Variants in AFF2 observed in about 807,000 individuals in gnomAD.
The protein encoded by AFF2 is ALF transcription elongation factor 2.
AFF2 carries 14 observed loss-of-function variants against 76.9 expected under a neutral mutation model. That is an observed-to-expected ratio of 0.18 (90% CI 0.12 to 0.28). The LOEUF is 0.28. AFF2 is among the 10% of genes least tolerant of loss of function. AFF2 has a pLI of 1.00. For synonymous variants in AFF2, 398 were observed against 366.7 expected (o/e 1.09, Z -0.98); for missense variants, 868 against 1,001.1 (o/e 0.87, Z 1.79).
chrX:148,979,912 C>T (rs1459023056), intron 18 of AFF2, among the ~76,000 whole-genome samples: 1 of 112,114 alleles, frequency 8.9e-6, no homozygotes, highest in Non-Finnish European at 1.9e-5. Context: ...AGCAAAGAGG[C>T]AGAAGATGAG....
chrX:148,826,377 C>A lies in AFF2; in HGVS notation c.1087-11270C>A, dbSNP rs185234405. 1.2e-4 allele frequency among the ~76,000 whole-genome samples: 13 copies of A among 108,380 alleles called. No homozygotes were observed. In the Admixed American group the frequency reaches 1.3e-3, roughly 11 times the overall value. 94.1% of individuals were successfully genotyped at this position (108,380 alleles called of 115,157 possible). On this transcript the variant is annotated intron_variant, in intron 4 of 20. Transcript: ENST00000370460. ...TAATAGTCTTCTTGTGTGATTGTTA[C>A]CTTTTAATTAAAAAAAAAAAGACTT...
chrX:148,612,444 G>A (rs2053744049), intron 1 of AFF2, among the ~76,000 whole-genome samples: 1 of 112,226 alleles, frequency 8.9e-6, no homozygotes, highest in African/African-American at 3.2e-5. Flanking sequence ...TTCTAATAGG[G>A]TATTTTCCAC....
At chrX:148,526,330 G>A (rs146660611) in intron 1 of AFF2, among the ~76,000 whole-genome samples, 91 of 104,755 alleles carry the variant, frequency 8.7e-4, no homozygotes, top group African/African-American at 3.0e-3. Context: ...TTCCACAGTG[G>A]TAATATCTTG....
rs782743247 is a variant in AFF2, at chrX:148,659,974, G to A, written c.181-1934G>A. On this transcript the variant is annotated intron_variant, in intron 2 of 20. Transcript: ENST00000370460. ...TATTCAGCTGAGGATTATACAGAATGTTAATTGTTTAATCACTACTTCAGT... is the reference window on the plus strand; with the variant it reads ...TATTCAGCTGAGGATTATACAGAATATTAATTGTTTAATCACTACTTCAGT... 3.6e-5 allele frequency among the ~76,000 whole-genome samples: 4 copies of A among 112,186 alleles called. 1 individual carries two copies. In the Middle Eastern group the frequency reaches 0.014, roughly 388 times the overall value.
intron 3 of AFF2, among the ~76,000 whole-genome samples, chrX:148,790,533 T>C (rs1333953368): frequency 1.8e-5 from 2 of 111,412 alleles, no homozygotes; most frequent in African/African-American, 6.5e-5. Context: ...ATAATGTCCT[T>C]TGCAGGGACA....
intron 3 of AFF2, among the ~76,000 whole-genome samples, chrX:148,670,377 G>A (rs1430237740): frequency 8.9e-6 from 1 of 111,849 alleles, no homozygotes; most frequent in Non-Finnish European, 1.9e-5. Context: ...GGTGGTATTA[G>A]AGTAGTTCAA....
intron 3 of AFF2, among the ~76,000 whole-genome samples, chrX:148,763,862 C>T (rs1382576504): frequency 1.8e-5 from 2 of 111,874 alleles, no homozygotes; most frequent in African/African-American, 6.5e-5. Context: ...CAAGGTGTCA[C>T]CCAATAAATG....
intron 1 of AFF2, among the ~76,000 whole-genome samples, chrX:148,540,776 G>A (rs2124266082): frequency 9.0e-6 from 1 of 111,715 alleles, no homozygotes; most frequent in East Asian, 2.8e-4. Flanking sequence ...TGTGCATGAG[G>A]AGAATGTGCA....
At chrX:148,652,196 T>A in intron 2 of AFF2, 65 bp downstream of exon 2, 1 of 867,492 alleles carries the variant, frequency 1.2e-6, no homozygotes, top group Non-Finnish European at 1.6e-6. Context: ...AATCAACATT[T>A]AATTTATGTT....
intron 1 of AFF2, among the ~76,000 whole-genome samples, chrX:148,506,057 A>G (rs1284643979): frequency 9.1e-6 from 1 of 110,287 alleles, no homozygotes; most frequent in African/African-American, 3.3e-5. Flanking sequence ...ACAAGCTTGG[A>G]CTAAATTCTG....
intron 1 of AFF2, among the ~76,000 whole-genome samples, chrX:148,603,372 G>T (rs891704929): frequency 4.4e-4 from 49 of 110,729 alleles, no homozygotes; most frequent in African/African-American, 1.6e-3. Context: ...CTTCTATGTT[G>T]AAAACTTTTA....
At chrX:148,831,653 T>A (rs2070455640) in intron 4 of AFF2, among the ~76,000 whole-genome samples, 1 of 111,974 alleles carries the variant, frequency 8.9e-6, no homozygotes, top group Non-Finnish European at 1.9e-5. Context: ...TCCTACAGGC[T>A]GGTTAGCAAT....
chrX:148,846,014 G>A (rs1219478587), intron 7 of AFF2, among the ~76,000 whole-genome samples: 1 of 112,038 alleles, frequency 8.9e-6, no homozygotes, highest in Non-Finnish European at 1.9e-5. Flanking sequence ...ATACACATGG[G>A]CACCAGGTCT....
At chrX:148,541,748 C>T (rs1428543283) in intron 1 of AFF2, among the ~76,000 whole-genome samples, 1 of 110,411 alleles carries the variant, frequency 9.1e-6, no homozygotes, top group Non-Finnish European at 1.9e-5. Context: ...TTAAACAAAC[C>T]ACATTACAGC....
chrX:148,534,536 G>A (rs2052762261), intron 1 of AFF2, among the ~76,000 whole-genome samples: 2 of 112,437 alleles, frequency 1.8e-5, no homozygotes, highest in African/African-American at 6.5e-5. Flanking sequence ...ATGCAACCAT[G>A]GACATGTCAC....
intron 3 of AFF2, among the ~76,000 whole-genome samples, chrX:148,676,838 T>C (rs145871380): frequency 2.2e-3 from 250 of 111,178 alleles, no homozygotes; most frequent in African/African-American, 8.0e-3. Context: ...GAAAGATTGG[T>C]TGGGAAGACT....
intron 3 of AFF2, among the ~76,000 whole-genome samples, chrX:148,670,772 C>T (rs112167785): frequency 8.9e-6 from 1 of 111,880 alleles, no homozygotes; most frequent in African/African-American, 3.3e-5. Flanking sequence ...TTGTAACCAT[C>T]CATTCTTTTT....
At chrX:148,607,351 G>A (rs1324270617) in intron 1 of AFF2, among the ~76,000 whole-genome samples, 1 of 111,118 alleles carries the variant, frequency 9.0e-6, no homozygotes, top group Non-Finnish European at 1.9e-5. Flanking sequence ...GGACCCGGTT[G>A]GAGGTAATTT....
rs1357477454 is a variant in AFF2, at chrX:148,999,684, TC to T, written c.*8353del. ...CCTTCATGGGATTTTAGCTTTCCCT[TC>T]TTGAAAAACATTATTTTACAGTTCC... On this transcript the variant is annotated 3_prime_UTR_variant, in exon 21 of 21. Coordinates refer to ENST00000370460, the MANE Select transcript of AFF2 (RefSeq NM_002025.4). The T allele has an allele frequency of 8.9e-6, 1 of 112,063 alleles. No individual in the cohort carries two copies. Among genetic ancestry groups the T allele is most frequent in the African/African-American group, 3.3e-5 (1 of 30,567 alleles). 9.2% of individuals were successfully genotyped at this position (112,063 alleles called of 1,213,427 possible).
Sources: gnomAD v4.1 joint callset for allele counts (sites outside exome capture counted in the v4.1 genomes callset) on GRCh38, gnomAD v4.1.1 for gene constraint, MANE v1.5 for transcripts, NCBI Gene and HGNC (gene_info 2026-07-23, HGNC 2026-07-21) for gene names.